Variants in FOCAD observed in about 807,000 individuals in gnomAD.
FOCAD encodes focadhesin.
In FOCAD, 198 loss-of-function variants were observed where a neutral mutation model predicts 225.6. The ratio of observed to expected loss-of-function variants is 0.88; its 90% confidence interval spans 0.78 to 0.99. The LOEUF is 0.99. FOCAD is among the 50% of genes least tolerant of loss of function. The probability of loss-of-function intolerance (pLI) is 0.00; values close to 1 mark genes in which losing one functional copy is unlikely to be tolerated. For missense variants in FOCAD, 2,713 were observed against 2,123.6 expected, an observed-to-expected ratio of 1.28 and a Z score of -5.46; for synonymous variants, 897 against 755.0, an observed-to-expected ratio of 1.19 and a Z score of -3.08.
intron 19 of FOCAD, among the ~76,000 whole-genome samples, chr9:20,877,909 A>AAAACAAAC (rs1055485309): frequency 6.8e-6 from 1 of 147,694 alleles, no homozygotes; most frequent in Admixed American, 6.6e-5. Context: ...CCATCTCAAA[A>AAAACAAAC]AAACAAACAA....
At chr9:20,891,504 C>G (rs1831612827) in intron 21 of FOCAD, among the ~76,000 whole-genome samples, 1 of 152,186 alleles carries the variant, frequency 6.6e-6, no homozygotes, top group Non-Finnish European at 1.5e-5. Flanking sequence ...GAAAGCAAAA[C>G]AGCCTTATTG....
chr9:20,848,508 T>C (rs1329312703), intron 15 of FOCAD, among the ~76,000 whole-genome samples: 1 of 151,950 alleles, frequency 6.6e-6, no homozygotes, highest in Non-Finnish European at 1.5e-5. Flanking sequence ...TTCCATGGGA[T>C]TCTAGTTTCT....
At chr9:20,789,156 TCTAA>T (rs748389999) in intron 10 of FOCAD, among the ~76,000 whole-genome samples, 191 bp from the exon 11 acceptor site, 2 of 152,190 alleles carry the variant, frequency 1.3e-5, no homozygotes, top group Non-Finnish European at 2.9e-5. Flanking sequence ...TGGAGTTCCA[TCTAA>T]CAACTCTTTT....
At chr9:20,752,868 C>T (rs1399801880) in intron 5 of FOCAD, among the ~76,000 whole-genome samples, 2 of 151,484 alleles carry the variant, frequency 1.3e-5, no homozygotes, top group Non-Finnish European at 2.9e-5. Flanking sequence ...TTGAAGAGGT[C>T]CTTCACATCC....
rs1563968657 is a variant in FOCAD at position 20,770,019 on chromosome 9, CTT to C, written c.700-8_700-7del. ...TGTATTTTTTAATATCATATAATGA[CTT>C]TTTTAAACAGGTAAAAGATTTGATA... On this transcript the variant is annotated splice_polypyrimidine_tract_variant and intron_variant, in intron 7 of 43. Transcript: ENST00000338382. 1 of 1,607,662 alleles carries C rather than the reference CTT, an allele frequency of 6.2e-7. No homozygotes were observed. The highest frequency in any genetic ancestry group is 8.5e-7 in the Non-Finnish European group (1 of 1,175,468).
In FOCAD at chr9:20,982,395, C is replaced by G. The variant is rs951129413; in HGVS notation, c.4677C>G (p.Cys1559Trp). The G allele has an allele frequency of 3.7e-6, 6 of 1,613,694 alleles. No individual in the cohort carries two copies. The East Asian group carries it at 1.1e-4, about 30-fold the overall frequency. Residue 1559 changes from cysteine (C) to tryptophan (W), a missense_variant, in exon 39 of 44, where the codon TGC becomes TGG. Physicochemically the swap from Cys to Trp is radical, Grantham distance 215 (BLOSUM62 -2). Transcript: ENST00000338382. Reference sequence around the variant, plus strand: ...AGCTGTATATCAGCATAGCAAAATGCCTCTTAGAAATGACAGATGATGATG... The same window carrying G: ...AGCTGTATATCAGCATAGCAAAATGGCTCTTAGAAATGACAGATGATGATG... ...DLELYISIAK[C>W]LLEMTDDDAN...
chr9:20,813,907 A>G (rs1266948201), intron 11 of FOCAD, among the ~76,000 whole-genome samples: 2 of 152,102 alleles, frequency 1.3e-5, no homozygotes, highest in South Asian at 2.1e-4. Context: ...TCTGGGTGCT[A>G]TGATGTTGGT....
At chr9:20,843,900 C>G (rs1826804432) in intron 15 of FOCAD, among the ~76,000 whole-genome samples, 1 of 152,060 alleles carries the variant, frequency 6.6e-6, no homozygotes, top group Non-Finnish European at 1.5e-5. Context: ...CCACTTAGGA[C>G]TGGTTAGGGT....
intron 10 of FOCAD, among the ~76,000 whole-genome samples, chr9:20,782,140 CT>C (rs1304149234): frequency 6.6e-6 from 1 of 152,038 alleles, no homozygotes; most frequent in Non-Finnish European, 1.5e-5. Context: ...GCTATATGAT[CT>C]TTTTTTTCTC....
chr9:20,703,012 A>C (rs765235479), intron 1 of FOCAD, among the ~76,000 whole-genome samples: 34 of 152,130 alleles, frequency 2.2e-4, no homozygotes, highest in Non-Finnish European at 4.4e-4. Flanking sequence ...ATCTCACAAA[A>C]AAAACAAAAC....
chr9:20,864,857 A>G (rs1160774403), intron 16 of FOCAD, among the ~76,000 whole-genome samples: 1 of 152,090 alleles, frequency 6.6e-6, no homozygotes, highest in Non-Finnish European at 1.5e-5. Flanking sequence ...ACTAGTTTAT[A>G]CCAATTAGTT....
chr9:20,770,349 A>AAG, intron 8 of FOCAD, 111 bp downstream of exon 8: 3 of 980,312 alleles, frequency 3.1e-6, no homozygotes, highest in Non-Finnish European at 4.5e-6. Flanking sequence ...GGCAGGCTGT[A>AAG]CAGGATGCAT....
At position 20,916,948 on chromosome 9, in the gene FOCAD, T is replaced by C. The variant is rs529542644; in HGVS notation, c.2852+11T>C. On this transcript the variant is annotated intron_variant, in intron 24 of 43. Transcript: ENST00000338382. ...CAAGGCAGCTGCAAAGTAAGATCCA[T>C]TTAGTCTTTTATCAAACATTTTTTA... 6.3e-7 allele frequency: 1 copy of C among 1,594,904 alleles called. No individual in the cohort carries two copies. Among genetic ancestry groups the C allele is most frequent in the African/African-American group, 1.3e-5 (1 of 74,180 alleles).
At chr9:20,656,011 T>C (rs1160330954), upstream of FOCAD, among the ~76,000 whole-genome samples, 3 of 152,078 alleles carry the variant, frequency 2.0e-5, no homozygotes, top group Non-Finnish European at 4.4e-5. Flanking sequence ...AACATCTTTA[T>C]TTCTGCCTTC....
chr9:20,914,073 T>G (rs1479789183), intron 23 of FOCAD, among the ~76,000 whole-genome samples: 1 of 149,716 alleles, frequency 6.7e-6, no homozygotes, highest in Non-Finnish European at 1.5e-5. Flanking sequence ...AAGGCCAGCT[T>G]GGGCAACATG....
At chr9:20,948,174 T>C (rs768042751) in intron 30 of FOCAD, 97 bp from the exon 31 acceptor site, 15 of 1,143,178 alleles carry the variant, frequency 1.3e-5, no homozygotes, top group Admixed American at 2.9e-5. Context: ...ATTAGGAAAG[T>C]TAGCACTAAA....
At chr9:20,841,130 A>G (rs915031546) in intron 15 of FOCAD, among the ~76,000 whole-genome samples, 1 of 151,892 alleles carries the variant, frequency 6.6e-6, no homozygotes, top group African/African-American at 2.4e-5. Context: ...CTATTATTTT[A>G]CTGAGGATTT....
intron 1 of FOCAD, among the ~76,000 whole-genome samples, chr9:20,713,664 A>T (rs1825059995): frequency 6.6e-6 from 1 of 152,266 alleles, no homozygotes; most frequent in Non-Finnish European, 1.5e-5. Flanking sequence ...TCAAGCACCT[A>T]GAACTGTGCT....
intron 15 of FOCAD, among the ~76,000 whole-genome samples, chr9:20,853,156 T>C (rs1417172657): frequency 2.0e-5 from 3 of 151,794 alleles, no homozygotes; most frequent in Non-Finnish European, 2.9e-5. Context: ...AACTGAAAAG[T>C]GAATGTCCCT....
Sources: gnomAD v4.1 joint callset for allele counts (sites outside exome capture counted in the v4.1 genomes callset) on GRCh38, gnomAD v4.1.1 for gene constraint, MANE v1.5 for transcripts, NCBI Gene and HGNC (gene_info 2026-07-23, HGNC 2026-07-21) for gene names.